OSGIN2: variants seen among roughly 807,000 people sequenced by gnomAD.
The protein encoded by OSGIN2 is oxidative stress-induced growth inhibitor 2.
A neutral mutation model predicts 53.8 loss-of-function variants in OSGIN2; 19 were observed. The ratio of observed to expected loss-of-function variants is 0.35; its 90% confidence interval spans 0.25 to 0.52. The LOEUF (loss-of-function observed/expected upper bound fraction) is 0.52, where lower values mean the gene tolerates loss of function less well. Ranked by LOEUF, OSGIN2 falls within the 20% of genes least tolerant of loss-of-function variation. OSGIN2 has a pLI of 0.95. For missense variants in OSGIN2, 520 were observed against 662.7 expected (o/e 0.78, Z 2.36); for synonymous variants, 236 against 236.0 (o/e 1.00, Z 0.00).
At position 89,925,538 on chromosome 8, in the gene OSGIN2, GT is replaced by G. The variant is rs111852370; in HGVS notation, c.*9del. The G allele has an allele frequency of 0.037, 59,050 of 1,603,134 alleles. 1,492 individuals are homozygous for G. Among genetic ancestry groups the G allele is most frequent in the South Asian group, 0.094 (8,483 of 90,588 alleles). On this transcript the variant is annotated 3_prime_UTR_variant, in exon 6 of 6. Coordinates refer to ENST00000451899, the MANE Select transcript of OSGIN2 (RefSeq NM_001126111.3). ...GAGGAGATGGGATAGCTTAAAGCAA[GT>G]TTACAAGTAATTAAAATGGACAGTT...
chr8:89,921,309 A>G, intron 5 of OSGIN2, 138 bp downstream of exon 5: 1 of 573,038 alleles, frequency 1.7e-6, no homozygotes, highest in Non-Finnish European at 3.1e-6. Flanking sequence ...TCCTTGAAGC[A>G]GTGATTATAA....
chr8:89,904,202 T>C (rs1252848525), intron 1 of OSGIN2, among the ~76,000 whole-genome samples: 10 of 152,234 alleles, frequency 6.6e-5, no homozygotes, highest in Non-Finnish European at 1.0e-4. Context: ...TGGAAACTTT[T>C]AGGAAATAGG....
rs574038506 is a variant in OSGIN2 at position 89,911,917 on chromosome 8, G to A, written c.200-2160G>A. ...CGCACCACTGTACTCCAGCTTGGGCGACAGAGCGAGACTCCGTCTCAAAAA... is the reference window on the plus strand; with the variant it reads ...CGCACCACTGTACTCCAGCTTGGGCAACAGAGCGAGACTCCGTCTCAAAAA... On this transcript the variant is annotated intron_variant, in intron 2 of 5. Transcript: ENST00000451899. 5.3e-5 allele frequency among the ~76,000 whole-genome samples: 8 copies of A among 150,254 alleles called. 1 individual carries two copies. In the East Asian group the frequency reaches 7.8e-4, roughly 15 times the overall value.
At chr8:89,908,082 G>A (rs1808876529) in intron 1 of OSGIN2, among the ~76,000 whole-genome samples, 1 of 152,180 alleles carries the variant, frequency 6.6e-6, no homozygotes, top group South Asian at 2.1e-4. Context: ...AAATACCAGG[G>A]ACAGAGCAGA....
intron 4 of OSGIN2, 147 bp from the exon 5 acceptor site, chr8:89,920,933 T>TA (rs1357557442): frequency 2.3e-5 from 12 of 512,298 alleles, no homozygotes; most frequent in Non-Finnish European, 3.5e-5. Flanking sequence ...TGAGGTAAGT[T>TA]AGCCAACCAT....
At chr8:89,904,809 T>C (rs1467102094) in intron 1 of OSGIN2, among the ~76,000 whole-genome samples, 1 of 151,978 alleles carries the variant, frequency 6.6e-6, no homozygotes, top group African/African-American at 2.4e-5. Context: ...TGAGACTGTC[T>C]CAAAAAAACA....
intron 2 of OSGIN2, among the ~76,000 whole-genome samples, chr8:89,911,802 C>T (rs1003243954): frequency 5.3e-5 from 8 of 150,130 alleles, no homozygotes; most frequent in Admixed American, 1.3e-4. Flanking sequence ...GGCATGGTGG[C>T]GAGTGCCTGT....
chr8:89,919,620 G>C (rs947704270), intron 4 of OSGIN2, among the ~76,000 whole-genome samples: 1 of 152,172 alleles, frequency 6.6e-6, no homozygotes, highest in Non-Finnish European at 1.5e-5. Context: ...GCCAAGCCTG[G>C]TTCTGAAGAC....
chr8:89,921,399 T>C, intron 5 of OSGIN2: 2 of 405,434 alleles, frequency 4.9e-6, no homozygotes, highest in Non-Finnish European at 8.8e-6. Context: ...CCTGTGACTT[T>C]TGTTAATCAT....
chr8:89,903,998 G>A (rs1255724240), intron 1 of OSGIN2, among the ~76,000 whole-genome samples: 1 of 152,190 alleles, frequency 6.6e-6, no homozygotes, highest in African/African-American at 2.4e-5. Flanking sequence ...GAGATGTAAG[G>A]CATAGAGAAA....
chr8:89,905,534 A>G (rs1228680412), intron 1 of OSGIN2, among the ~76,000 whole-genome samples: 1 of 151,806 alleles, frequency 6.6e-6, no homozygotes, highest in East Asian at 1.9e-4. Context: ...TTTTTTAGAA[A>G]GAATAATTAC....
intron 1 of OSGIN2, 95 bp downstream of exon 1, chr8:89,902,932 G>T (rs1392352846): frequency 2.3e-6 from 2 of 864,218 alleles, no homozygotes. Context: ...GGTGGAGGGC[G>T]AGCGCCTGGA....
At chr8:89,917,205 T>A (rs768972822) in intron 4 of OSGIN2, among the ~76,000 whole-genome samples, 29 of 152,246 alleles carry the variant, frequency 1.9e-4, no homozygotes, top group Admixed American at 3.9e-4. Context: ...CTTCATTAGC[T>A]ACTCACTCCA....
At chr8:89,902,393 G>C (rs1309044160), upstream of OSGIN2, 6 of 152,102 alleles carry the variant, frequency 3.9e-5, no homozygotes, top group Admixed American at 3.9e-4. Flanking sequence ...TCGGTCCCCT[G>C]CCCGCGCAGC....
chr8:89,918,729 C>T (rs1481686043), intron 4 of OSGIN2, among the ~76,000 whole-genome samples: 1 of 152,176 alleles, frequency 6.6e-6, no homozygotes, highest in East Asian at 1.9e-4. Context: ...CATCAAGTCC[C>T]TTCAATTTCC....
intron 1 of OSGIN2, among the ~76,000 whole-genome samples, chr8:89,905,859 A>T (rs1043915742): frequency 6.6e-6 from 1 of 152,266 alleles, no homozygotes; most frequent in Non-Finnish European, 1.5e-5. Context: ...TGCAAAATCA[A>T]CATACAAAAG....
chr8:89,914,024 A>AC, intron 2 of OSGIN2, 53 bp from the exon 3 acceptor site: 1 of 1,510,452 alleles, frequency 6.6e-7, no homozygotes, highest in Non-Finnish European at 9.1e-7. Flanking sequence ...AAGCCAAGGA[A>AC]CAAGAGTATT....
chr8:89,923,405 TC>T (rs1809248219), intron 5 of OSGIN2, among the ~76,000 whole-genome samples: 5 of 152,316 alleles, frequency 3.3e-5, no homozygotes, highest in Admixed American at 3.3e-4. Flanking sequence ...TTTGTGAACT[TC>T]CCATTACAAG....
intron 5 of OSGIN2, 74 bp from the exon 6 acceptor site, chr8:89,924,429 C>A: frequency 9.4e-7 from 1 of 1,058,370 alleles, no homozygotes; most frequent in Non-Finnish European, 1.4e-6. Flanking sequence ...TAAAAGCTTA[C>A]TAGGTAGATA....
Sources: gnomAD v4.1 joint callset for allele counts (sites outside exome capture counted in the v4.1 genomes callset) on GRCh38, gnomAD v4.1.1 for gene constraint, MANE v1.5 for transcripts, NCBI Gene and HGNC (gene_info 2026-07-23, HGNC 2026-07-21) for gene names.